The following ANKRD50 variants were observed in gnomAD, a reference collection of about 807,000 sequenced individuals.
ANKRD50 encodes the protein ankyrin repeat domain 50.
Under a neutral mutation model 112.0 loss-of-function variants are expected in ANKRD50, and 40 were observed. The ratio of observed to expected loss-of-function variants is 0.36; its 90% CI spans 0.28 to 0.46. The LOEUF is 0.46. Among genes scored for constraint, ANKRD50 ranks in the 20% least tolerant of loss-of-function variants. The pLI is 1.00. For missense variants in ANKRD50, 1,487 were observed against 1,701.7 expected (o/e 0.87, Z 2.22); for synonymous variants, 613 against 619.1 (o/e 0.99, Z 0.15).
chr4:124,693,255 T>C (rs1473244763), intron 2 of ANKRD50, among the ~76,000 whole-genome samples: 1 of 152,186 alleles, frequency 6.6e-6, no homozygotes, highest in African/African-American at 2.4e-5. Flanking sequence ...ATTGTAACTT[T>C]TAAGGTCTTG....
Position 124,669,366 on chromosome 4 carries a change from A to G in ANKRD50, c.3911T>C (p.Phe1304Ser). ...PKVLEYEMTQ[F>S]DRRGPIAKSG... is the part of the protein sequence containing the mutation. The stretch of plus-strand genomic sequence containing the variant: ...TTTGGCTATAGGTCCTCTTCTATCA[A>G]ACTGAGTCATTTCATATTCTAAAAC... The change falls in exon 4 of 5, where the codon TTT becomes TCT. Residue 1304 changes from phenylalanine (F) to serine (S), a missense_variant. Around this residue, in one of 2 missense-constraint regions of ANKRD50, gnomAD observed 441 missense variants for 432.2 expected, o/e 1.02. Coordinates refer to ENST00000504087, the MANE Select transcript of ANKRD50 (RefSeq NM_020337.3). 1 of 1,613,570 alleles carries G rather than the reference A, an allele frequency of 6.2e-7. No homozygotes were observed. Among genetic ancestry groups the G allele is most frequent in the Non-Finnish European group, 8.5e-7 (1 of 1,179,792 alleles).
chr4:124,706,947 C>T (rs192697911), intron 2 of ANKRD50, among the ~76,000 whole-genome samples: 4 of 152,026 alleles, frequency 2.6e-5, no homozygotes, highest in African/African-American at 9.6e-5. Flanking sequence ...TATGGGTACT[C>T]AAAGTAAGGT....
chr4:124,711,800 A>T (rs1167964043), intron 1 of ANKRD50, among the ~76,000 whole-genome samples: 4 of 152,032 alleles, frequency 2.6e-5, no homozygotes, highest in Non-Finnish European at 5.9e-5. Context: ...GACTGTTCTT[A>T]TAAGAATGAT....
chr4:124,712,686 GCCCCCACCGGCCAA>G lies in ANKRD50; in HGVS notation c.-1006_-993del. On this transcript the variant is annotated 5_prime_UTR_variant, in exon 1 of 5. Coordinates refer to ENST00000504087, the MANE Select transcript of ANKRD50 (RefSeq NM_020337.3). ...AGCAGAATCGGTCGTGCTCGCCCCA[GCCCCCACCGGCCAA>G]CCGCCGCCGCCGCCGCCGTCAGGGC... 1 of 158,746 alleles carries G rather than the reference GCCCCCACCGGCCAA, an allele frequency of 6.3e-6. No individual in the cohort carries two copies. Among genetic ancestry groups the G allele is most frequent in the East Asian group, 1.9e-4 (1 of 5,346 alleles). 9.8% of individuals were successfully genotyped at this position (158,746 alleles called of 1,614,324 possible).
chr4:124,710,433 C>G lies in ANKRD50; in HGVS notation c.79G>C (p.Glu27Gln). 1 of 1,614,162 alleles carries G rather than the reference C, an allele frequency of 6.2e-7. No individual in the cohort carries two copies. The highest frequency in any genetic ancestry group is 1.3e-5 in the African/African-American group (1 of 75,032). Residue 27 changes from glutamate (E) to glutamine (Q), a missense_variant, in exon 2 of 5, where the codon GAG becomes CAG. By Grantham distance (29) the Glu-to-Gln change is conservative (BLOSUM62 2). Coordinates refer to ENST00000504087, the MANE Select transcript of ANKRD50 (RefSeq NM_020337.3). ...TGCTGAAGCTTGTGGAAAACCCACT[C>G]CCTACAGTAAAACTGCTTCCCTTGC... ...LLQGKQFYCR[E>Q]WVFHKLQHCL...
rs1449849453 is a variant in ANKRD50, at chr4:124,710,324, C to T, written c.188G>A (p.Gly63Asp). ...LVMNSGNNAS[G>D]VSGKGAAWGV... ...CCAGGCAGCTCCCTTTCCAGAGACA[C>T]CACTAGCATTATTCCCAGAATTCAT... is the stretch of plus-strand genomic sequence containing the variant. The change falls in exon 2 of 5, where the codon GGT (glycine) becomes GAT (aspartate). Residue 63 changes from glycine (G) to aspartate (D), a missense_variant. By Grantham distance (94) the Gly-to-Asp change is moderately conservative (BLOSUM62 -1). Coordinates refer to ENST00000504087, the MANE Select transcript of ANKRD50 (RefSeq NM_020337.3). The T allele has an allele frequency of 6.2e-7, 1 of 1,614,180 alleles. No homozygotes were observed. The highest frequency in any genetic ancestry group is 1.1e-5 in the South Asian group (1 of 91,086).
chr4:124,678,240 A>AATAGG (rs1724778629), intron 3 of ANKRD50, among the ~76,000 whole-genome samples: 1 of 152,064 alleles, frequency 6.6e-6, no homozygotes, highest in Non-Finnish European at 1.5e-5. Context: ...GTGTTAATCT[A>AATAGG]ATAGGAGTAA....
chr4:124,692,427 A>C (rs2110520463), intron 2 of ANKRD50, among the ~76,000 whole-genome samples: 1 of 152,304 alleles, frequency 6.6e-6, no homozygotes, highest in East Asian at 1.9e-4. Context: ...TTGTCTTTTA[A>C]ATTAAATACA....
chr4:124,672,133 A>C lies in ANKRD50; in HGVS notation c.1144T>G (p.Leu382Val), dbSNP rs1313712740. 1 of 1,613,862 alleles carries C rather than the reference A, an allele frequency of 6.2e-7. No individual in the cohort carries two copies. The highest frequency in any genetic ancestry group is 1.1e-5 in the South Asian group (1 of 91,074). Residue 382 changes from leucine (L) to valine (V), a missense_variant, in exon 4 of 5, where the codon TTG (leucine) becomes GTG (valine). Coordinates refer to ENST00000504087, the MANE Select transcript of ANKRD50 (RefSeq NM_020337.3). Reference sequence around the variant, plus strand: ...TCTAACTTGCGTTGAAAATCTTCCAAAGTTAACGACATGTTTTTGGTCCAT... The same window carrying C: ...TCTAACTTGCGTTGAAAATCTTCCACAGTTAACGACATGTTTTTGGTCCAT... ...AVWTKNMSLT[L>V]EDFQRKLDIL...
chr4:124,671,653 C>T lies in ANKRD50; in HGVS notation c.1624G>A (p.Asp542Asn). The T allele has an allele frequency of 6.2e-7, 1 of 1,613,752 alleles. No individual in the cohort carries two copies. Among genetic ancestry groups the T allele is most frequent in the East Asian group, 2.2e-5 (1 of 44,870 alleles). Residue 542 changes from aspartate to asparagine, a missense_variant, in exon 4 of 5, where the codon GAT becomes AAT. Physicochemically the swap from Asp to Asn is conservative, Grantham distance 23. Transcript: ENST00000504087. Reference protein sequence around the residue: ...LDNGASVNQCDSNGRTLLANA... With the variant: ...LDNGASVNQCNSNGRTLLANA... ...GCCAATAATGTTCTCCCATTTGAAT[C>T]ACACTGATTTACTGAAGCTCCATTA... is the stretch of plus-strand genomic sequence containing the variant.
intron 3 of ANKRD50, among the ~76,000 whole-genome samples, chr4:124,677,104 T>C (rs1420771588): frequency 6.6e-6 from 1 of 151,758 alleles, no homozygotes; most frequent in Non-Finnish European, 1.5e-5. Context: ...TATGTATTAA[T>C]AACTTTAGCA....
chr4:124,695,083 A>T (rs78266394), intron 2 of ANKRD50, among the ~76,000 whole-genome samples: 1,756 of 152,336 alleles, frequency 0.012, 51 homozygotes, highest in East Asian at 0.081. Flanking sequence ...GGAAAGAGCC[A>T]GAGAAATCTT....
chr4:124,676,140 T>C (rs1357668297), intron 3 of ANKRD50, among the ~76,000 whole-genome samples: 1 of 151,696 alleles, frequency 6.6e-6, no homozygotes, highest in Admixed American at 6.6e-5. Flanking sequence ...TATAGAAGGA[T>C]AACTGGAAAA....
At chr4:124,667,615 T>C (rs1730526997) in intron 4 of ANKRD50, 101 bp from the exon 5 acceptor site, 2 of 152,074 alleles carry the variant, frequency 1.3e-5, no homozygotes, top group South Asian at 4.1e-4. Flanking sequence ...TATATCTTTA[T>C]CTATATATTT....
chr4:124,693,722 C>T (rs1411253451), intron 2 of ANKRD50, among the ~76,000 whole-genome samples: 1 of 152,080 alleles, frequency 6.6e-6, no homozygotes, highest in Non-Finnish European at 1.5e-5. Context: ...TTATACATAA[C>T]ATTAGCAGTT....
At position 124,710,647 on chromosome 4, in the gene ANKRD50, A is replaced by C; in HGVS notation, c.-136T>G. 9.6e-7 allele frequency: 1 copy of C among 1,045,132 alleles called. No homozygotes were observed. The highest frequency in any genetic ancestry group is 1.4e-6 in the Non-Finnish European group (1 of 720,494). The allele number at this position is 1,045,132 out of a possible 1,614,324, so 64.7% of individuals were successfully genotyped here. On this transcript the variant is annotated 5_prime_UTR_variant, in exon 2 of 5. Coordinates refer to ENST00000504087, the MANE Select transcript of ANKRD50 (RefSeq NM_020337.3). ...TTACAGTAAAATTCAACAGCCACAGAGTTCCTCTGTCAACAGAACGTGCAT... is the reference window on the plus strand; with the variant it reads ...TTACAGTAAAATTCAACAGCCACAGCGTTCCTCTGTCAACAGAACGTGCAT...
Position 124,697,839 on chromosome 4 carries a change from T to C in ANKRD50, c.512+12161A>G, listed in dbSNP as rs549424348. On this transcript the variant is annotated intron_variant, in intron 2 of 4. Coordinates refer to ENST00000504087, the MANE Select transcript of ANKRD50 (RefSeq NM_020337.3). ...AAGTGTTGCTAGAAGTGGGGTGGGGTGGAGGATGGGCAGCAGGAGATGAGT... is the reference window on the plus strand; with the variant it reads ...AAGTGTTGCTAGAAGTGGGGTGGGGCGGAGGATGGGCAGCAGGAGATGAGT... Among the ~76,000 whole-genome samples the C allele has an allele frequency of 2.6e-5, 4 of 151,686 alleles. No individual in the cohort carries two copies. The South Asian group carries it at 8.3e-4, about 32-fold the overall frequency.
intron 2 of ANKRD50, among the ~76,000 whole-genome samples, chr4:124,703,888 T>C (rs575613233): frequency 5.8e-4 from 89 of 152,230 alleles, no homozygotes; most frequent in Admixed American, 5.1e-3. Flanking sequence ...ATATGTTATG[T>C]CATTAGAGCA....
At position 124,699,319 on chromosome 4, in the gene ANKRD50, A is replaced by ATTTTC. The variant is rs1206831875; in HGVS notation, c.512+10680_512+10681insGAAAA. Among the ~76,000 whole-genome samples the ATTTTC allele has an allele frequency of 5.6e-4, 85 of 151,918 alleles. 4 individuals are homozygous for ATTTTC. The highest frequency in any genetic ancestry group is 2.0e-3 in the African/African-American group (82 of 41,470). On this transcript the variant is annotated intron_variant, in intron 2 of 4. Transcript: ENST00000504087. ...GCTTTCCTGTTTACTTTCCCGTATC[A>ATTTTC]CTGAAATGCTTCAGGGGATGAAAAC...
Sources: gnomAD v4.1 joint callset for allele counts (sites outside exome capture counted in the v4.1 genomes callset) on GRCh38, gnomAD v4.1.1 for gene constraint, gnomAD v4.1.1 regional missense constraint, MANE v1.5 for transcripts, NCBI Gene and HGNC (gene_info 2026-07-23, HGNC 2026-07-21) for gene names.